The following CRISPLD1 variants were observed in gnomAD, a reference collection of about 807,000 sequenced individuals.
CRISPLD1 encodes the protein cysteine-rich secretory protein LCCL domain-containing 1.
CRISPLD1 carries 60 observed loss-of-function variants against 77.5 expected under a neutral mutation model. The ratio of observed to expected loss-of-function variants is 0.77; its 90% confidence interval spans 0.63 to 0.96. The LOEUF (loss-of-function observed/expected upper bound fraction) is 0.96, where lower values mean the gene tolerates loss of function less well. Among genes scored for constraint, CRISPLD1 ranks in the 40% least tolerant of loss-of-function variants. CRISPLD1 has a pLI of 0.00. For missense variants in CRISPLD1, 623 were observed against 615.8 expected (o/e 1.01, Z -0.12); for synonymous variants, 195 against 200.1 (o/e 0.97, Z 0.22).
At chr8:75,007,905 C>T (rs1213511844) in intron 2 of CRISPLD1, among the ~76,000 whole-genome samples, 1 of 151,924 alleles carries the variant, frequency 6.6e-6, no homozygotes, top group Non-Finnish European at 1.5e-5. Flanking sequence ...TCTGGAACTC[C>T]TGGCCTCAAG....
intron 6 of CRISPLD1, among the ~76,000 whole-genome samples, chr8:75,015,370 C>A (rs558801071): frequency 7.2e-5 from 11 of 152,130 alleles, no homozygotes; most frequent in Non-Finnish European, 1.6e-4. Flanking sequence ...TCTCACTGCA[C>A]ACTATTCAAT....
chr8:75,012,972 C>A lies in CRISPLD1; in HGVS notation c.460C>A (p.Pro154Thr), dbSNP rs377728137. The change falls in exon 4 of 15, where the codon CCA (proline) becomes ACA (threonine). Residue 154 changes from proline (P) to threonine (T), a missense_variant. Transcript: ENST00000262207. ...FSYPYEHECN[P>T]YCPFRCSGPV... ...CTACCCATATGAACATGAATGCAACCCATATTGTCCATTCAGGTGTTCTGG... is the reference window on the plus strand; with the variant it reads ...CTACCCATATGAACATGAATGCAACACATATTGTCCATTCAGGTGTTCTGG... 2 of 1,612,432 alleles carry A rather than the reference C, an allele frequency of 1.2e-6. No homozygotes were observed. The highest frequency in any genetic ancestry group is 1.3e-5 in the African/African-American group (1 of 74,820).
rs1449335284 is a variant in CRISPLD1, at chr8:75,033,886, C to T, written c.*1644C>T. The T allele has an allele frequency of 1.3e-5, 2 of 151,892 alleles. No individual in the cohort carries two copies. The highest frequency in any genetic ancestry group is 2.4e-5 in the African/African-American group (1 of 41,398). The allele number at this position is 151,892 out of a possible 1,614,324, so 9.4% of individuals were successfully genotyped here. A position where few individuals can be genotyped will look rare whatever the true frequency, so the allele number is the denominator to read the frequency against. ...AGCAGATTTTTATGGGAACTTTTTTCGAAAGGATACATGACCACCTTCTTA... is the reference window on the plus strand; with the variant it reads ...AGCAGATTTTTATGGGAACTTTTTTTGAAAGGATACATGACCACCTTCTTA... On this transcript the variant is annotated 3_prime_UTR_variant, in exon 15 of 15. Coordinates refer to ENST00000262207, the MANE Select transcript of CRISPLD1 (RefSeq NM_031461.6).
At chr8:75,000,649 G>C (rs1023308792) in intron 2 of CRISPLD1, among the ~76,000 whole-genome samples, 1 of 151,950 alleles carries the variant, frequency 6.6e-6, no homozygotes, top group African/African-American at 2.4e-5. Context: ...TACAGAGTTA[G>C]GTGCCCCCAG....
At chr8:75,000,290 C>A in intron 2 of CRISPLD1, 1 of 985,158 alleles carries the variant, frequency 1.0e-6, no homozygotes, top group Non-Finnish European at 1.2e-6. Flanking sequence ...GAAGGAAAAT[C>A]AAATGATAAA....
At chr8:75,013,086 T>A (rs1430417873) in intron 4 of CRISPLD1, 64 bp downstream of exon 4, 4 of 1,345,028 alleles carry the variant, frequency 3.0e-6, no homozygotes, top group Non-Finnish European at 3.9e-6. Context: ...TGAAAGAAAT[T>A]AGGCTAGTGA....
At chr8:75,029,660 G>GT in intron 14 of CRISPLD1, 143 bp downstream of exon 14, 1 of 735,328 alleles carries the variant, frequency 1.4e-6, no homozygotes, top group Admixed American at 2.9e-5. Flanking sequence ...GCACACTTGT[G>GT]TACCAGTCAG....
intron 10 of CRISPLD1, among the ~76,000 whole-genome samples, chr8:75,018,309 A>C (rs1238469221): frequency 7.3e-6 from 1 of 137,406 alleles, no homozygotes; most frequent in Non-Finnish European, 1.7e-5. Flanking sequence ...GTTTTTTGTC[A>C]CCCAGACTGG....
At chr8:74,999,381 A>G (rs1811452649) in intron 2 of CRISPLD1, among the ~76,000 whole-genome samples, 1 of 152,232 alleles carries the variant, frequency 6.6e-6, no homozygotes, top group African/African-American at 2.4e-5. Context: ...TTAAAGATAG[A>G]AAGCATATTT....
intron 2 of CRISPLD1, among the ~76,000 whole-genome samples, chr8:75,011,580 A>G (rs1438938044): frequency 2.0e-5 from 3 of 152,052 alleles, no homozygotes; most frequent in Non-Finnish European, 4.4e-5. Flanking sequence ...TGAATACTAA[A>G]CCCAGGACTT....
intron 2 of CRISPLD1, among the ~76,000 whole-genome samples, chr8:75,002,731 G>A (rs1176673424): frequency 6.6e-6 from 1 of 152,030 alleles, no homozygotes; most frequent in Non-Finnish European, 1.5e-5. Flanking sequence ...TCCTGTTTGT[G>A]TGTTTCCTTG....
chr8:75,018,255 A>C (rs949312614), intron 10 of CRISPLD1, among the ~76,000 whole-genome samples: 1 of 151,288 alleles, frequency 6.6e-6, no homozygotes, highest in African/African-American at 2.4e-5. Flanking sequence ...ATGATCTCCT[A>C]TACAGTCTTT....
intron 2 of CRISPLD1, among the ~76,000 whole-genome samples, chr8:74,996,709 CTTTTTTTT>C (rs1178454369): frequency 1.2e-4 from 9 of 73,378 alleles, no homozygotes; most frequent in Non-Finnish European, 2.0e-4. Context: ...GAGCCAGAAT[CTTTTTTTT>C]TTTTTTTTTT....
chr8:75,032,496 C>A lies in CRISPLD1; in HGVS notation c.*254C>A, dbSNP rs1434474192. On this transcript the variant is annotated 3_prime_UTR_variant, in exon 15 of 15. Transcript: ENST00000262207. The stretch of plus-strand genomic sequence containing the variant: ...TGCTATATTTTCTTAGCAGTTATTT[C>A]TACAGTTAATTACATAGTCATGATT... 1 of 316,134 alleles carries A rather than the reference C, an allele frequency of 3.2e-6. No homozygotes were observed. Among genetic ancestry groups the A allele is most frequent in the Non-Finnish European group, 5.8e-6 (1 of 172,148 alleles). The allele number at this position is 316,134 out of a possible 1,614,324, so 19.6% of individuals were successfully genotyped here. A position where few individuals can be genotyped will look rare whatever the true frequency, so the allele number is the denominator to read the frequency against.
chr8:75,001,127 A>G (rs1812733528), intron 2 of CRISPLD1, among the ~76,000 whole-genome samples: 1 of 152,210 alleles, frequency 6.6e-6, no homozygotes, highest in Non-Finnish European at 1.5e-5. Context: ...ATGTAAAACA[A>G]TTTTGTGTAT....
chr8:75,027,430 A>C (rs1471552506), intron 13 of CRISPLD1, among the ~76,000 whole-genome samples: 2 of 152,188 alleles, frequency 1.3e-5, no homozygotes, highest in African/African-American at 4.8e-5. Flanking sequence ...AGAACTTTTA[A>C]TTTTAGTCAC....
intron 2 of CRISPLD1, among the ~76,000 whole-genome samples, chr8:75,001,980 ATATATG>A (rs1812750317): frequency 6.6e-6 from 1 of 152,130 alleles, no homozygotes; most frequent in African/African-American, 2.4e-5. Context: ...TGTTTTACAT[ATATATG>A]TATGTTAGTG....
chr8:75,029,692 T>G (rs753881900), intron 14 of CRISPLD1, among the ~76,000 whole-genome samples, 175 bp downstream of exon 14: 1 of 152,162 alleles, frequency 6.6e-6, no homozygotes, highest in Non-Finnish European at 1.5e-5. Context: ...TGGGAGAAGC[T>G]GTAGTACCAG....
Position 75,033,459 on chromosome 8 carries a change from T to C in CRISPLD1, c.*1217T>C, listed in dbSNP as rs554616482. ...TACAAAATCGACCTGATTATTTAGG[T>C]ATTTGTATGTGAAAGAGAAACACAT... On this transcript the variant is annotated 3_prime_UTR_variant, in exon 15 of 15. Coordinates refer to ENST00000262207, the MANE Select transcript of CRISPLD1 (RefSeq NM_031461.6). 6 of 152,012 alleles carry C rather than the reference T, an allele frequency of 3.9e-5. No homozygotes were observed. The South Asian group carries it at 1.2e-3, about 32-fold the overall frequency. The allele number at this position is 152,012 out of a possible 1,614,324, so 9.4% of individuals were successfully genotyped here.
Sources: gnomAD v4.1 joint callset for allele counts (sites outside exome capture counted in the v4.1 genomes callset) on GRCh38, gnomAD v4.1.1 for gene constraint, MANE v1.5 for transcripts, NCBI Gene and HGNC (gene_info 2026-07-23, HGNC 2026-07-21) for gene names.